Variants in SOAT2 observed in about 807,000 individuals in gnomAD.
The protein encoded by SOAT2 is ACAT-2.
Under a neutral mutation model 76.0 loss-of-function variants are expected in SOAT2, and 87 were observed. That is an observed-to-expected ratio of 1.14 (90% CI 0.96 to 1.37). The LOEUF is 1.37. SOAT2 is among the 40% of genes most tolerant of loss of function. The pLI is 0.00. For missense variants in SOAT2, 686 were observed against 682.1 expected, an observed-to-expected ratio of 1.01 and a Z score of -0.06; for synonymous variants, 285 against 275.4, an observed-to-expected ratio of 1.03 and a Z score of -0.34.
chr12:53,119,444 C>G (rs764727624), intron 10 of SOAT2, among the ~76,000 whole-genome samples, 191 bp downstream of exon 10: 5 of 152,164 alleles, frequency 3.3e-5, no homozygotes, highest in African/African-American at 4.8e-5. Flanking sequence ...CATCAGCCTC[C>G]TAACCCATCT....
At position 53,118,310 on chromosome 12, in the gene SOAT2, C is replaced by T. The variant is rs775658829; in HGVS notation, c.779-40C>T. The T allele has an allele frequency of 5.8e-6, 8 of 1,377,094 alleles. No individual in the cohort carries two copies. The East Asian group carries it at 1.6e-4, about 28-fold the overall frequency. 85.3% of individuals were successfully genotyped at this position (1,377,094 alleles called of 1,614,324 possible). A position where few individuals can be genotyped will look rare whatever the true frequency, so the allele number is the denominator to read the frequency against. On this transcript the variant is annotated intron_variant, in intron 7 of 14. Transcript: ENST00000301466. ...GCAGCCCCCTCACCTCTGCCCTCTG[C>T]CCTTGCCCTTACTAATCCACCCCTC...
intron 2 of SOAT2, 150 bp from the exon 3 acceptor site, chr12:53,104,957 T>G: frequency 2.6e-6 from 2 of 778,512 alleles, no homozygotes; most frequent in Non-Finnish European, 3.8e-6. Flanking sequence ...CTGCCACCAC[T>G]GAACCCCCAT....
In SOAT2 at chr12:53,103,506, A is replaced by G. The variant is rs1319340258; in HGVS notation, c.-72A>G. 1.5e-6 allele frequency: 2 copies of G among 1,360,662 alleles called. No individual in the cohort carries two copies. Among genetic ancestry groups the G allele is most frequent in the Non-Finnish European group, 2.0e-6 (2 of 985,026 alleles). The allele number at this position is 1,360,662 out of a possible 1,614,324, so 84.3% of individuals were successfully genotyped here. A position where few individuals can be genotyped will look rare whatever the true frequency, so the allele number is the denominator to read the frequency against. On this transcript the variant is annotated 5_prime_UTR_variant, in exon 1 of 15. Coordinates refer to ENST00000301466, the MANE Select transcript of SOAT2 (RefSeq NM_003578.4). ...GAGCTGAGTGGGACAAGAGCTCTAC[A>G]GGGCAGGCCACACTGCGAAGGAAGG...
chr12:53,115,949 G>A (rs1277135385), intron 6 of SOAT2, 148 bp from the exon 7 acceptor site: 17 of 735,620 alleles, frequency 2.3e-5, no homozygotes, highest in Admixed American at 4.9e-5. Context: ...AGGCTATACG[G>A]CCATCCAACA....
chr12:53,118,893 G>A lies in SOAT2; in HGVS notation c.867G>A (p.Thr289=), dbSNP rs370273183. Residue 289 remains threonine (T), a synonymous_variant, in exon 9 of 15, where the codon ACG becomes ACA. Coordinates refer to ENST00000301466, the MANE Select transcript of SOAT2 (RefSeq NM_003578.4). ...ATTGTCCCCATTGCCGCTGCAGGAC[G>A]CCCTATGTCAGGTGGAATTATGTGG... The part of the protein sequence containing the change: ...TLIYRETYPR[T]PYVRWNYVAK... 2.0e-4 allele frequency: 323 copies of A among 1,613,900 alleles called. 2 individuals are homozygous for A. The South Asian group carries it at 2.5e-3, about 12-fold the overall frequency.
At chr12:53,104,676 TAG>T (rs925796251) in intron 2 of SOAT2, among the ~76,000 whole-genome samples, 78 of 152,176 alleles carry the variant, frequency 5.1e-4, no homozygotes, top group Admixed American at 4.1e-3. Context: ...AGCCAGTAGA[TAG>T]AGTCTTCCTG....
chr12:53,104,104 G>T, intron 1 of SOAT2, 47 bp from the exon 2 acceptor site: 3 of 1,557,568 alleles, frequency 1.9e-6, no homozygotes, highest in Non-Finnish European at 2.7e-6. Context: ...TGGGTCTGCA[G>T]AACCCCAATT....
chr12:53,120,220 A>ACAG (rs1422529383), intron 10 of SOAT2, among the ~76,000 whole-genome samples: 3 of 152,190 alleles, frequency 2.0e-5, no homozygotes, highest in African/African-American at 7.2e-5. Flanking sequence ...CTGTAATCCC[A>ACAG]GCACTTTGGG....
At chr12:53,114,514 A>G (rs959936212) in intron 5 of SOAT2, among the ~76,000 whole-genome samples, 6 of 152,084 alleles carry the variant, frequency 3.9e-5, no homozygotes, top group Non-Finnish European at 5.9e-5. Flanking sequence ...TGAGGTCAGC[A>G]ATTCAAGACC....
Position 53,116,159 on chromosome 12 carries a change from C to A in SOAT2, c.771C>A (p.Ala257=), listed in dbSNP as rs2121290659. ...LREAVPGTLR[A]RRGEGIQAPS... ...AGGCTGTGCCTGGGACCCTTCGTGC[C>A]AGACGAGGTGAGGCCTTCATCTTGC... The change falls in exon 7 of 15, where the codon GCC becomes GCA. Residue 257 remains alanine (A), a synonymous_variant. Coordinates refer to ENST00000301466, the MANE Select transcript of SOAT2 (RefSeq NM_003578.4). 6.2e-7 allele frequency: 1 copy of A among 1,613,994 alleles called. No homozygotes were observed. Among genetic ancestry groups the A allele is most frequent in the South Asian group, 1.1e-5 (1 of 91,076 alleles).
chr12:53,115,967 A>G (rs945924391), intron 6 of SOAT2, 130 bp from the exon 7 acceptor site: 1 of 823,540 alleles, frequency 1.2e-6, no homozygotes, highest in Non-Finnish European at 2.0e-6. Flanking sequence ...ACAAAAAGAA[A>G]AAGTATGGGC....
intron 1 of SOAT2, 55 bp from the exon 2 acceptor site, chr12:53,104,096 G>C (rs1937885735): frequency 6.8e-7 from 1 of 1,473,364 alleles, no homozygotes; most frequent in Non-Finnish European, 9.5e-7. Flanking sequence ...GATGCCTCTG[G>C]GTCTGCAGAA....
chr12:53,118,032 T>G (rs1938132119), intron 7 of SOAT2, among the ~76,000 whole-genome samples: 4 of 151,952 alleles, frequency 2.6e-5, no homozygotes, highest in Admixed American at 1.3e-4. Flanking sequence ...TATTAGGAAG[T>G]CCAGACAGAA....
intron 12 of SOAT2, among the ~76,000 whole-genome samples, chr12:53,122,659 A>C (rs1001117517): frequency 3.3e-5 from 5 of 152,022 alleles, no homozygotes; most frequent in Non-Finnish European, 1.5e-5. Flanking sequence ...GTAAGGTCAC[A>C]GATCAACAGG....
intron 5 of SOAT2, among the ~76,000 whole-genome samples, chr12:53,107,247 G>A (rs780887173): frequency 1.3e-5 from 2 of 152,156 alleles, no homozygotes; most frequent in East Asian, 1.9e-4. Context: ...GGGGGTCGTC[G>A]TTATGGGGCA....
chr12:53,114,168 T>C (rs992643800), intron 5 of SOAT2, among the ~76,000 whole-genome samples: 5 of 152,134 alleles, frequency 3.3e-5, no homozygotes, highest in East Asian at 3.9e-4. Flanking sequence ...TCTCCCTATG[T>C]TGGGCTTGGG....
intron 5 of SOAT2, among the ~76,000 whole-genome samples, chr12:53,111,367 A>G (rs1001456807): frequency 6.6e-6 from 1 of 152,166 alleles, no homozygotes; most frequent in African/African-American, 2.4e-5. Flanking sequence ...TCGGCCTCCC[A>G]AAGTGCTGGG....
intron 7 of SOAT2, among the ~76,000 whole-genome samples, chr12:53,117,216 C>T (rs926972093): frequency 6.6e-6 from 1 of 151,794 alleles, no homozygotes; most frequent in African/African-American, 2.4e-5. Context: ...CCACCTCAGC[C>T]TCCCAAAGTG....
At chr12:53,117,163 G>T (rs1216361460) in intron 7 of SOAT2, among the ~76,000 whole-genome samples, 1 of 150,998 alleles carries the variant, frequency 6.6e-6, no homozygotes, top group Non-Finnish European at 1.5e-5. Flanking sequence ...GTTTCACCAT[G>T]TTGGCCAGGG....
Sources: allele counts gnomAD v4.1 joint callset (sites outside exome capture counted in the v4.1 genomes callset), GRCh38; gene constraint gnomAD v4.1.1; transcripts MANE v1.5; gene names NCBI Gene and HGNC (gene_info 2026-07-23, HGNC 2026-07-21).